Variants in PHF24 observed in about 807,000 individuals in gnomAD.
PHF24 encodes the protein PHD finger protein 24.
PHF24 carries 25 observed loss-of-function variants against 42.6 expected under a neutral mutation model. That is an observed-to-expected ratio of 0.59 (90% CI 0.43 to 0.82). The LOEUF is 0.82. Among genes scored for constraint, PHF24 ranks in the 40% least tolerant of loss-of-function variants. PHF24 has a pLI of 0.00. For missense variants in PHF24, 470 were observed against 538.1 expected (o/e 0.87, Z 1.25); for synonymous variants, 185 against 204.8 (o/e 0.90, Z 0.83).
At chr9:34,673,853 C>A in the PHF24 span, among the ~76,000 whole-genome samples, 1 of 152,102 alleles carries the variant, frequency 6.6e-6, no homozygotes. Context: ...GATCTCCTGA[C>A]CTTGTGATCT....
At chr9:34,829,327 T>C in the PHF24 span, among the ~76,000 whole-genome samples, 26 of 152,146 alleles carry the variant, frequency 1.7e-4, no homozygotes, top group Admixed American at 6.5e-4. Flanking sequence ...TTCATTTTTG[T>C]ATAGGTTGAG....
the PHF24 span, among the ~76,000 whole-genome samples, chr9:34,884,505 G>A: frequency 2.0e-5 from 3 of 152,156 alleles, no homozygotes; most frequent in Admixed American, 2.0e-4. Flanking sequence ...CAAATATAGG[G>A]TGATGATAGG....
the PHF24 span, among the ~76,000 whole-genome samples, chr9:34,880,794 TCAA>T: frequency 6.6e-6 from 1 of 152,130 alleles, no homozygotes; most frequent in African/African-American, 2.4e-5. Context: ...ATTAGACAGA[TCAA>T]CGAGACAGAA....
the PHF24 span, among the ~76,000 whole-genome samples, chr9:34,751,287 C>T: frequency 1.2e-4 from 18 of 152,100 alleles, no homozygotes; most frequent in Admixed American, 1.0e-3. Context: ...ATCACTTGAA[C>T]ACAGGAGGTG....
chr9:34,822,482 A>T, the PHF24 span, among the ~76,000 whole-genome samples: 1 of 152,254 alleles, frequency 6.6e-6, no homozygotes, highest in African/African-American at 2.4e-5. Context: ...AACTATCATG[A>T]CTAATTTCAG....
At chr9:34,850,678 C>G in the PHF24 span, among the ~76,000 whole-genome samples, 1 of 152,164 alleles carries the variant, frequency 6.6e-6, no homozygotes, top group Non-Finnish European at 1.5e-5. Context: ...AGGTGCTCTG[C>G]TTTTTAGAGT....
chr9:34,947,027 T>G, the PHF24 span, among the ~76,000 whole-genome samples: 1 of 152,170 alleles, frequency 6.6e-6, no homozygotes, highest in Non-Finnish European at 1.5e-5. Context: ...AACCCTCGCC[T>G]TTAGAGAACT....
At chr9:34,799,445 A>C in the PHF24 span, among the ~76,000 whole-genome samples, 2 of 152,212 alleles carry the variant, frequency 1.3e-5, no homozygotes, top group African/African-American at 2.4e-5. Context: ...CAAGAAGTTC[A>C]TGTATTTGTT....
chr9:34,722,360 C>A, the PHF24 span, among the ~76,000 whole-genome samples: 1 of 152,162 alleles, frequency 6.6e-6, no homozygotes, highest in Non-Finnish European at 1.5e-5. Flanking sequence ...CTGCCATTCA[C>A]TGAAGTGAGA....
At chr9:34,720,608 C>T in the PHF24 span, among the ~76,000 whole-genome samples, 4 of 152,110 alleles carry the variant, frequency 2.6e-5, no homozygotes, top group African/African-American at 4.8e-5. Flanking sequence ...GATGTCCCTT[C>T]CATCTTCTCA....
the PHF24 span, among the ~76,000 whole-genome samples, chr9:34,796,803 C>G: frequency 1.3e-5 from 2 of 152,192 alleles, no homozygotes; most frequent in Non-Finnish European, 2.9e-5. Flanking sequence ...CCCATCAACC[C>G]CATTCCTAGG....
the PHF24 span, among the ~76,000 whole-genome samples, chr9:34,700,959 A>C: frequency 6.6e-6 from 1 of 152,144 alleles, no homozygotes; most frequent in East Asian, 1.9e-4. Context: ...GGGGGACTGG[A>C]GGTCAGGGAG....
At chr9:34,977,786 A>G (rs1246794350) in intron 7 of PHF24, 145 bp downstream of exon 7, 22 of 784,298 alleles carry the variant, frequency 2.8e-5, no homozygotes, top group Non-Finnish European at 4.4e-5. Flanking sequence ...ATTTGACCCA[A>G]GTCTATAGGA....
the PHF24 span, among the ~76,000 whole-genome samples, chr9:34,887,898 C>T: frequency 6.6e-6 from 1 of 152,082 alleles, no homozygotes; most frequent in East Asian, 1.9e-4. Flanking sequence ...ATAATAGGTG[C>T]TCAATATTTA....
chr9:34,723,379 G>T, the PHF24 span: 1 of 1,551,732 alleles, frequency 6.4e-7, no homozygotes. Context: ...CATCCAAGAA[G>T]GCTGGGCCCA....
chr9:34,855,308 CTGT>C, the PHF24 span, among the ~76,000 whole-genome samples: 3 of 152,140 alleles, frequency 2.0e-5, no homozygotes. Flanking sequence ...GAATTTGATC[CTGT>C]CATCATGATG....
the PHF24 span, among the ~76,000 whole-genome samples, chr9:34,937,555 G>T: frequency 6.6e-6 from 1 of 150,436 alleles, no homozygotes; most frequent in Admixed American, 6.7e-5. Flanking sequence ...AGAGACCTTT[G>T]TTCACTTGTT....
chr9:34,833,157 C>A, the PHF24 span: 1 of 1,550,736 alleles, frequency 6.4e-7, no homozygotes, highest in Non-Finnish European at 8.7e-7. Context: ...TCTGGGTCCT[C>A]TCTGTTTCCT....
the PHF24 span, among the ~76,000 whole-genome samples, chr9:34,667,540 T>A: frequency 2.0e-5 from 3 of 152,220 alleles, no homozygotes. Flanking sequence ...AGGCCTGGTC[T>A]TCCCTTCTGG....
Sources: allele counts gnomAD v4.1 joint callset (sites outside exome capture counted in the v4.1 genomes callset), GRCh38; gene constraint gnomAD v4.1.1; transcripts MANE v1.5; gene names NCBI Gene and HGNC (gene_info 2026-07-23, HGNC 2026-07-21).